GRK1: variants seen among roughly 807,000 people sequenced by gnomAD.
The protein encoded by GRK1 is G protein-coupled receptor kinase 1.
GRK1 carries 28 observed loss-of-function variants against 41.7 expected under a neutral mutation model. That is an observed-to-expected ratio of 0.67 (90% CI 0.50 to 0.92). The LOEUF is 0.92. Ranked by LOEUF, GRK1 falls within the 40% of genes least tolerant of loss-of-function variation. The pLI, the probability that GRK1 is intolerant of heterozygous loss-of-function variation, is 0.00. For synonymous variants in GRK1, 327 were observed against 286.7 expected (o/e 1.14, Z -1.42); for missense variants, 703 against 671.2 (o/e 1.05, Z -0.52).
chr13:113,732,274 C>T (rs1353551025), intron 5 of GRK1, among the ~76,000 whole-genome samples: 1 of 152,188 alleles, frequency 6.6e-6, no homozygotes, highest in Non-Finnish European at 1.5e-5. Flanking sequence ...TCTGACTTCC[C>T]TGGACATGTG....
chr13:113,652,822 G>A, the GRK1 span: 9 of 1,593,652 alleles, frequency 5.6e-6, no homozygotes, highest in African/African-American at 6.7e-5. Flanking sequence ...TGGGTGAGAG[G>A]CCCTGACTGC....
At chr13:113,658,038 C>A in the GRK1 span, 24 of 1,600,104 alleles carry the variant, frequency 1.5e-5, no homozygotes, top group Non-Finnish European at 2.0e-5. Context: ...CGTACCCCAC[C>A]GGGACAGGGT....
chr13:113,653,583 C>A, the GRK1 span: 1 of 643,682 alleles, frequency 1.6e-6, no homozygotes, highest in Non-Finnish European at 2.7e-6. Flanking sequence ...GAAGGAAGGA[C>A]CCCCAGGACA....
chr13:113,734,131 C>A (rs562524883), intron 6 of GRK1, among the ~76,000 whole-genome samples: 3 of 152,182 alleles, frequency 2.0e-5, no homozygotes, highest in South Asian at 4.1e-4. Context: ...CCTCTAGGAC[C>A]CTGTGGTCAG....
upstream of GRK1, among the ~76,000 whole-genome samples, chr13:113,666,423 C>G (rs1360137313): frequency 6.9e-6 from 1 of 145,964 alleles, no homozygotes; most frequent in African/African-American, 2.6e-5. Context: ...TGTTCCCCAG[C>G]TGTCCCAGCT....
rs192723805 is a variant in GRK1 at position 113,735,201 on chromosome 13, C to A, written c.1530C>A (p.Ala510=). The change falls in exon 7 of 7, where the codon GCC becomes GCA. Residue 510 remains alanine (A), a synonymous_variant. Transcript: ENST00000335678. ...ACACAGAATTCTTTCAGGAATTTGC[C>A]ACTGGCAACTGCCCCATCCCCTGGC... ...KTDTEFFQEF[A]TGNCPIPWQE... 1.3e-6 allele frequency: 2 copies of A among 1,537,164 alleles called. No individual in the cohort carries two copies. Among genetic ancestry groups the A allele is most frequent in the East Asian group, 4.9e-5 (2 of 40,908 alleles).
At chr13:113,660,944 T>C in the GRK1 span, among the ~76,000 whole-genome samples, 2 of 152,188 alleles carry the variant, frequency 1.3e-5, no homozygotes, top group African/African-American at 4.8e-5. Flanking sequence ...CTCTTAACAA[T>C]TGATAGAACA....
intron 4 of GRK1, among the ~76,000 whole-genome samples, chr13:113,730,989 G>A (rs916383468): frequency 6.6e-6 from 1 of 152,200 alleles, no homozygotes; most frequent in African/African-American, 2.4e-5. Context: ...ATTTTTGGTT[G>A]TCACAGCCTG....
At chr13:113,666,900 G>A (rs75866251), upstream of GRK1, among the ~76,000 whole-genome samples, 842 of 152,252 alleles carry the variant, frequency 5.5e-3, 5 homozygotes, top group African/African-American at 0.019. Context: ...CATCCTCTCC[G>A]TCAGGCCCAC....
chr13:113,652,855 G>A, the GRK1 span: 1 of 1,613,154 alleles, frequency 6.2e-7, no homozygotes, highest in Non-Finnish European at 8.5e-7. Flanking sequence ...GCGTGTGAAG[G>A]AGACCCTCAG....
upstream of GRK1, among the ~76,000 whole-genome samples, chr13:113,663,509 A>C (rs2049801216): frequency 6.6e-6 from 1 of 152,226 alleles, no homozygotes; most frequent in Non-Finnish European, 1.5e-5. Context: ...GCCCATATAG[A>C]AAGGAGGCAA....
At position 113,667,660 on chromosome 13, in the gene GRK1, A is replaced by G; in HGVS notation, c.274A>G (p.Ile92Val). Residue 92 changes from isoleucine to valine, a missense_variant, in exon 1 of 7, where the codon ATC (isoleucine) becomes GTC (valine). By Grantham distance (29) the Ile-to-Val change is conservative. Transcript: ENST00000335678. The surrounding 1 kb of genome is among the most constrained non-coding windows in gnomAD (Gnocchi z 7.5). Reference protein sequence around the residue: ...HLPALELWKDIEDYDTADNDL... With the variant: ...HLPALELWKDVEDYDTADNDL... ...GCCGGCCCTGGAGCTCTGGAAAGACATCGAGGACTATGACACGGCAGACAA... is the reference window on the plus strand; with the variant it reads ...GCCGGCCCTGGAGCTCTGGAAAGACGTCGAGGACTATGACACGGCAGACAA... 6.2e-7 allele frequency: 1 copy of G among 1,613,590 alleles called. No homozygotes were observed. Among genetic ancestry groups the G allele is most frequent in the Non-Finnish European group, 8.5e-7 (1 of 1,179,890 alleles).
Position 113,732,891 on chromosome 13 carries a change from A to G in GRK1, c.1202A>G (p.Asn401Ser), listed in dbSNP as rs766909455. Reference sequence around the variant, plus strand: ...CTACGCGTGTCCCCACAGGTGGAGAACAAGGAGCTGAAGCACCGGATCATC... The same window carrying G: ...CTACGCGTGTCCCCACAGGTGGAGAGCAAGGAGCTGAAGCACCGGATCATC... Reference protein sequence around the residue: ...PFRARGEKVENKELKHRIISE... With the variant: ...PFRARGEKVESKELKHRIISE... Residue 401 changes from asparagine to serine, a missense_variant, in exon 6 of 7, where the codon AAC becomes AGC. By Grantham distance (46) the Asn-to-Ser change is conservative. Coordinates refer to ENST00000335678, the MANE Select transcript of GRK1 (RefSeq NM_002929.3). 2.0e-6 allele frequency: 3 copies of G among 1,536,460 alleles called. No homozygotes were observed. The highest frequency in any genetic ancestry group is 1.4e-5 in the African/African-American group (1 of 73,044).
chr13:113,649,715 T>G, the GRK1 span, among the ~76,000 whole-genome samples: 19 of 152,066 alleles, frequency 1.2e-4, no homozygotes, highest in Non-Finnish European at 2.6e-4. This position sits in a 1 kb window ranked among gnomAD's most constrained non-coding sequence, Gnocchi z 4.7. Context: ...CATGTAAAAA[T>G]GGAAAGCAAC....
At chr13:113,724,359 C>T (rs778793079) in intron 4 of GRK1, among the ~76,000 whole-genome samples, 2 of 152,220 alleles carry the variant, frequency 1.3e-5, no homozygotes, top group Non-Finnish European at 2.9e-5. Flanking sequence ...GGGCTCACTT[C>T]TGCTGGGATT....
chr13:113,658,666 G>C, the GRK1 span, among the ~76,000 whole-genome samples: 1 of 152,230 alleles, frequency 6.6e-6, no homozygotes, highest in Non-Finnish European at 1.5e-5. Context: ...GGGTCACCCA[G>C]TGGAAGGGTG....
chr13:113,656,331 C>T, the GRK1 span, among the ~76,000 whole-genome samples: 2 of 152,180 alleles, frequency 1.3e-5, no homozygotes, highest in Non-Finnish European at 2.9e-5. Context: ...TGGGTCTGCT[C>T]TGGGGCCCGT....
the GRK1 span, among the ~76,000 whole-genome samples, chr13:113,661,834 T>C: frequency 4.3e-3 from 650 of 152,328 alleles, 17 homozygotes; most frequent in Admixed American, 0.038. Context: ...GAATTAATAA[T>C]TTAAAATCTC....
At chr13:113,732,828 C>A in intron 5 of GRK1, 56 bp from the exon 6 acceptor site, 1 of 1,528,154 alleles carries the variant, frequency 6.5e-7, no homozygotes, top group Non-Finnish European at 8.8e-7. Context: ...GTGGTCTGGT[C>A]TGACCACCCA....
Sources: gnomAD v4.1 joint callset for allele counts (sites outside exome capture counted in the v4.1 genomes callset) on GRCh38, gnomAD v4.1.1 for gene constraint, Gnocchi (gnomAD v3.1) non-coding constraint, MANE v1.5 for transcripts, NCBI Gene and HGNC (gene_info 2026-07-23, HGNC 2026-07-21) for gene names.